PXK: variants seen among roughly 807,000 people sequenced by gnomAD.
PXK encodes PX domain-containing protein kinase-like protein.
PXK carries 35 observed loss-of-function variants against 84.7 expected under a neutral mutation model. The observed-to-expected ratio is 0.41, with a 90% CI of 0.32 to 0.55. The LOEUF (loss-of-function observed/expected upper bound fraction) is 0.55, where lower values mean the gene tolerates loss of function less well. Ranked by LOEUF, PXK falls within the 20% of genes least tolerant of loss-of-function variation. The pLI is 0.21. For missense variants in PXK, 634 were observed against 699.7 expected (o/e 0.91, Z 1.06); for synonymous variants, 253 against 260.8 (o/e 0.97, Z 0.29).
In PXK at chr3:58,400,984, T is replaced by A. The variant is rs533553642; in HGVS notation, c.1181+1607T>A. Reference sequence around the variant, plus strand: ...TGGAAAACAACTTTCACACAAACTTTTCTAGCAAAATGCACTTGTACTTAG... The same window carrying A: ...TGGAAAACAACTTTCACACAAACTTATCTAGCAAAATGCACTTGTACTTAG... On this transcript the variant is annotated intron_variant, in intron 12 of 17. Coordinates refer to ENST00000356151, the MANE Select transcript of PXK (RefSeq NM_017771.5). This position sits in a 1 kb window ranked among gnomAD's most constrained non-coding sequence, Gnocchi z 4.0. Among the ~76,000 whole-genome samples the A allele has an allele frequency of 2.0e-5, 3 of 152,202 alleles. No individual in the cohort carries two copies. The highest frequency in any genetic ancestry group is 4.4e-5 in the Non-Finnish European group (3 of 68,038).
At position 58,383,062 on chromosome 3, in the gene PXK, C is replaced by T. The variant is rs557588206; in HGVS notation, c.388+362C>T. Among the ~76,000 whole-genome samples the T allele has an allele frequency of 3.3e-5, 5 of 152,268 alleles. No homozygotes were observed. Among genetic ancestry groups the T allele is most frequent in the South Asian group, 2.1e-4 (1 of 4,822 alleles). On this transcript the variant is annotated intron_variant, in intron 4 of 17. Transcript: ENST00000356151. This position sits in a 1 kb window ranked among gnomAD's most constrained non-coding sequence, Gnocchi z 4.0. ...ATCCCAGCACTTTGGGAGGCCAAGG[C>T]GGTTGGATCACCTGAGGTCAGGAGT...
Position 58,333,465 on chromosome 3 carries a change from G to T in PXK, c.102+375G>T. 2.2e-6 allele frequency: 1 copy of T among 450,608 alleles called. No homozygotes were observed. Among genetic ancestry groups the T allele is most frequent in the South Asian group, 1.6e-5 (1 of 63,924 alleles). The allele number at this position is 450,608 out of a possible 1,614,324, so 27.9% of individuals were successfully genotyped here. A position where few individuals can be genotyped will look rare whatever the true frequency, so the allele number is the denominator to read the frequency against. On this transcript the variant is annotated intron_variant, in intron 1 of 17. Transcript: ENST00000356151. The surrounding 1 kb of genome is among the most constrained non-coding windows in gnomAD (Gnocchi z 5.4). ...TCAGGACCATCCACTTCTGCCCGCC[G>T]CCAGCCTTTTCCTTTTTGAGGCCGT... is the stretch of plus-strand genomic sequence containing the variant.
chr3:58,339,171 C>G (rs183154106), intron 1 of PXK, among the ~76,000 whole-genome samples: 1 of 151,438 alleles, frequency 6.6e-6, no homozygotes, highest in East Asian at 1.9e-4. Flanking sequence ...GTTGTCTCTT[C>G]CTATTGAAGA....
chr3:58,403,741 T>G (rs2058967467), intron 12 of PXK, 121 bp from the exon 13 acceptor site: 2 of 465,222 alleles, frequency 4.3e-6, no homozygotes, highest in African/African-American at 2.0e-5. Context: ...GGCCAGGGGC[T>G]GGAGGATGTG....
chr3:58,366,459 G>C (rs2098273693), intron 2 of PXK, among the ~76,000 whole-genome samples: 1 of 152,158 alleles, frequency 6.6e-6, no homozygotes, highest in Non-Finnish European at 1.5e-5. Flanking sequence ...GACAGATCGA[G>C]AGGTCCTTCC....
At chr3:58,347,387 C>T (rs1379692846) in intron 1 of PXK, among the ~76,000 whole-genome samples, 2 of 152,200 alleles carry the variant, frequency 1.3e-5, no homozygotes, top group South Asian at 2.1e-4. Context: ...CCTTTGCAGA[C>T]CCTGCCCTCC....
chr3:58,380,860 A>G (rs1198109152), intron 3 of PXK, among the ~76,000 whole-genome samples: 2 of 152,180 alleles, frequency 1.3e-5, no homozygotes, highest in Non-Finnish European at 2.9e-5. Context: ...AAAATTCCAC[A>G]TCAACACTAG....
chr3:58,374,813 T>C (rs1007464626), intron 3 of PXK, among the ~76,000 whole-genome samples: 2 of 152,236 alleles, frequency 1.3e-5, no homozygotes, highest in Admixed American at 6.5e-5. Context: ...AAGTGTCTCT[T>C]GAATAATCTT....
At chr3:58,374,481 T>C (rs570048873) in intron 3 of PXK, among the ~76,000 whole-genome samples, 1 of 152,218 alleles carries the variant, frequency 6.6e-6, no homozygotes, top group East Asian at 1.9e-4. Context: ...GCCTCCCCTT[T>C]CCATTTTCAC....
At chr3:58,402,134 C>A (rs1290011797) in intron 12 of PXK, among the ~76,000 whole-genome samples, 2 of 152,060 alleles carry the variant, frequency 1.3e-5, no homozygotes, top group Admixed American at 1.3e-4. Flanking sequence ...ACCCAAGCAA[C>A]CATTTCTATT....
At chr3:58,395,829 C>A in intron 9 of PXK, 70 bp downstream of exon 9, 1 of 1,273,528 alleles carries the variant, frequency 7.9e-7, no homozygotes, top group East Asian at 2.4e-5. Context: ...TGGAAAAGTT[C>A]TTAAGTAATA....
Position 58,385,220 on chromosome 3 carries a change from G to A in PXK, c.388+2520G>A, listed in dbSNP as rs1283409082. On this transcript the variant is annotated intron_variant, in intron 4 of 17. Transcript: ENST00000356151. This position sits in a 1 kb window ranked among gnomAD's most constrained non-coding sequence, Gnocchi z 5.1. Reference sequence around the variant, plus strand: ...AAAAAGACCACCAGAAACTCCTGCCGGAACCTGTGCTGGCTGCTATTCAGA... The same window carrying A: ...AAAAAGACCACCAGAAACTCCTGCCAGAACCTGTGCTGGCTGCTATTCAGA... Among the ~76,000 whole-genome samples, 4 of 152,138 alleles carry A rather than the reference G, an allele frequency of 2.6e-5. No individual in the cohort carries two copies. The highest frequency in any genetic ancestry group is 9.7e-5 in the African/African-American group (4 of 41,426).
rs369681670 is a variant in PXK at position 58,335,168 on chromosome 3, C to T, written c.102+2078C>T. On this transcript the variant is annotated intron_variant, in intron 1 of 17. Coordinates refer to ENST00000356151, the MANE Select transcript of PXK (RefSeq NM_017771.5). ...TGGTATACAGATGTGAGCCACCACA[C>T]CTGGCCCTGCAGATCTTTTCTTTAA... Among the ~76,000 whole-genome samples the T allele has an allele frequency of 3.6e-4, 55 of 152,090 alleles. No homozygotes were observed. The East Asian group carries it at 9.7e-3, about 27-fold the overall frequency.
At position 58,397,135 on chromosome 3, in the gene PXK, G is replaced by GT. The variant is rs1175591782; in HGVS notation, c.919_920insT (p.Glu307ValfsTer38). The GT allele has an allele frequency of 6.2e-6, 10 of 1,614,006 alleles. No individual in the cohort carries two copies. The highest frequency in any genetic ancestry group is 8.5e-6 in the Non-Finnish European group (10 of 1,180,006). On this transcript the variant is annotated frameshift_variant, in exon 10 of 18. Transcript: ENST00000356151. LOFTEE classifies it high-confidence loss of function. This position sits in a 1 kb window ranked among gnomAD's most constrained non-coding sequence, Gnocchi z 4.7. Reference sequence around the variant, plus strand: ...GGACACTTGCCGGCTGCTGGACCTTGAGAATTCCTTATTGGGCCTGCCTTC... The same window carrying GT: ...GGACACTTGCCGGCTGCTGGACCTTGTAGAATTCCTTATTGGGCCTGCCTTC...
intron 4 of PXK, among the ~76,000 whole-genome samples, chr3:58,386,846 G>C (rs570181002): frequency 6.6e-6 from 1 of 152,348 alleles, no homozygotes; most frequent in African/African-American, 2.4e-5. Context: ...AGAGCAGGGA[G>C]TGCTGAAGTT....
intron 1 of PXK, among the ~76,000 whole-genome samples, chr3:58,359,478 C>A (rs2098142691): frequency 6.6e-6 from 1 of 150,934 alleles, no homozygotes; most frequent in Non-Finnish European, 1.5e-5. Context: ...TTGCAGTGAG[C>A]CGAGATCGCG....
At chr3:58,376,378 G>A (rs900162609) in intron 3 of PXK, among the ~76,000 whole-genome samples, 1 of 152,084 alleles carries the variant, frequency 6.6e-6, no homozygotes, top group African/African-American at 2.4e-5. Context: ...TTGTGTCATT[G>A]CACTCCAGCC....
At position 58,398,576 on chromosome 3, in the gene PXK, G is replaced by A. The variant is rs1037849540; in HGVS notation, c.1103-723G>A. Among the ~76,000 whole-genome samples, 1 of 152,100 alleles carries A rather than the reference G, an allele frequency of 6.6e-6. No homozygotes were observed. Among genetic ancestry groups the A allele is most frequent in the African/African-American group, 2.4e-5 (1 of 41,430 alleles). On this transcript the variant is annotated intron_variant, in intron 11 of 17. Transcript: ENST00000356151. The surrounding 1 kb of genome is among the most constrained non-coding windows in gnomAD (Gnocchi z 4.5). Reference sequence around the variant, plus strand: ...GGGGCTGAGGGGAGCTGGAGGACAAGTGAGAGCACCTTTAGGAAGGAGGGA... The same window carrying A: ...GGGGCTGAGGGGAGCTGGAGGACAAATGAGAGCACCTTTAGGAAGGAGGGA...
Position 58,424,978 on chromosome 3 carries a change from T to TG in PXK, c.*20dup, listed in dbSNP as rs1560173118. On this transcript the variant is annotated 3_prime_UTR_variant, in exon 18 of 18. Transcript: ENST00000356151. Reference sequence around the variant, plus strand: ...TCGGCTGAAGCTTCCTGTTTACACTTGGAGGGAAAAGTTCTTTTTTATTCC... The same window carrying TG: ...TCGGCTGAAGCTTCCTGTTTACACTTGGGAGGGAAAAGTTCTTTTTTATTCC... 6.2e-6 allele frequency: 10 copies of TG among 1,613,246 alleles called. No individual in the cohort carries two copies. Among genetic ancestry groups the TG allele is most frequent in the Admixed American group, 3.3e-5 (2 of 59,948 alleles).
Sources: allele counts gnomAD v4.1 joint callset (sites outside exome capture counted in the v4.1 genomes callset), GRCh38; gene constraint gnomAD v4.1.1; non-coding constraint Gnocchi (gnomAD v3.1); transcripts MANE v1.5; gene names NCBI Gene and HGNC (gene_info 2026-07-23, HGNC 2026-07-21).